Variants in IGF2BP1 observed in about 807,000 individuals in gnomAD.
IGF2BP1 encodes the protein insulin like growth factor 2 mRNA binding protein 1.
Under a neutral mutation model 74.9 loss-of-function variants are expected in IGF2BP1, and 11 were observed. That is an observed-to-expected ratio of 0.15 (90% confidence interval 0.09 to 0.24). IGF2BP1 has a LOEUF of 0.24. Among genes scored for constraint, IGF2BP1 ranks in the 10% least tolerant of loss-of-function variants. The pLI is 1.00. For missense variants in IGF2BP1, 440 were observed against 757.4 expected (o/e 0.58, Z 4.92); for synonymous variants, 287 against 281.8 (o/e 1.02, Z -0.18).
In IGF2BP1 at chr17:49,038,327, C is replaced by T; in HGVS notation, c.561C>T (p.Ala187=). Residue 187 remains alanine (A), a synonymous_variant, in exon 6 of 15, where the codon GCC becomes GCT. Transcript: ENST00000290341. ...AGGGCTCACCTGTGGCAGCGGGGGC[C>T]CCAGCCAAGCAGCAGCAAGTGGACA... ...PRQGSPVAAG[A]PAKQQQVDIP... 1 of 1,606,160 alleles carries T rather than the reference C, an allele frequency of 6.2e-7. No individual in the cohort carries two copies. Among genetic ancestry groups the T allele is most frequent in the Non-Finnish European group, 8.5e-7 (1 of 1,176,578 alleles).
chr17:49,042,440 G>T, intron 9 of IGF2BP1, 63 bp downstream of exon 9: 2 of 1,591,368 alleles, frequency 1.3e-6, no homozygotes, highest in East Asian at 2.2e-5. Flanking sequence ...CAGCTTGTGG[G>T]GTGCAGGGTG....
At chr17:49,038,982 A>G (rs1004108799) in intron 6 of IGF2BP1, among the ~76,000 whole-genome samples, 2 of 150,854 alleles carry the variant, frequency 1.3e-5, no homozygotes, top group African/African-American at 2.4e-5. Flanking sequence ...GGTTCAAGCA[A>G]TTCTCCTGCC....
rs975589066 is a variant in IGF2BP1 at position 48,997,535 on chromosome 17, C to G, written c.-211C>G. 5 of 571,596 alleles carry G rather than the reference C, an allele frequency of 8.7e-6. No individual in the cohort carries two copies. Among genetic ancestry groups the G allele is most frequent in the Non-Finnish European group, 1.2e-5 (4 of 323,496 alleles). 35.4% of individuals were successfully genotyped at this position (571,596 alleles called of 1,614,324 possible). ...GTCTCCCTGCGCGCCGCGGGCACTT[C>G]TCCTGGGCTCTCCCCGAACTCTCCC... On this transcript the variant is annotated 5_prime_UTR_variant, in exon 1 of 15. Coordinates refer to ENST00000290341, the MANE Select transcript of IGF2BP1 (RefSeq NM_006546.4). The surrounding 1 kb of genome is among the most constrained non-coding windows in gnomAD (Gnocchi z 4.8).
rs796574707 is a variant in IGF2BP1 at position 49,008,188 on chromosome 17, A to AAAG, written c.236+9019_236+9020insAAG. On this transcript the variant is annotated intron_variant, in intron 2 of 14. Coordinates refer to ENST00000290341, the MANE Select transcript of IGF2BP1 (RefSeq NM_006546.4). ...ATTCCATCTCAAAAAAAAAAAAAAA[A>AAAG]GTAAATAAATTGAAGGGCAAAGATA... Among the ~76,000 whole-genome samples, 369 of 151,560 alleles carry AAAG rather than the reference A, an allele frequency of 2.4e-3. 1 individual carries two copies. The highest frequency in any genetic ancestry group is 8.6e-3 in the African/African-American group (354 of 41,116).
At chr17:49,002,363 GA>G (rs1273057083) in intron 2 of IGF2BP1, among the ~76,000 whole-genome samples, 1 of 152,024 alleles carries the variant, frequency 6.6e-6, no homozygotes, top group Non-Finnish European at 1.5e-5. Context: ...AGGCTCTGAA[GA>G]AATCACTTGG....
At chr17:49,007,989 T>C (rs2143944485) in intron 2 of IGF2BP1, among the ~76,000 whole-genome samples, 1 of 152,158 alleles carries the variant, frequency 6.6e-6, no homozygotes, top group African/African-American at 2.4e-5. Flanking sequence ...CTGACCAACA[T>C]GGTGAAACCC....
At chr17:49,011,889 G>C (rs1425210455) in intron 2 of IGF2BP1, among the ~76,000 whole-genome samples, 2 of 149,098 alleles carry the variant, frequency 1.3e-5, no homozygotes, top group African/African-American at 5.0e-5. Flanking sequence ...TATCTTGAGT[G>C]GTTGAAGAAA....
chr17:49,025,437 A>G (rs1298781886), intron 2 of IGF2BP1, among the ~76,000 whole-genome samples, 181 bp from the exon 3 acceptor site: 2 of 151,530 alleles, frequency 1.3e-5, no homozygotes, highest in Admixed American at 6.6e-5. Context: ...TTTGGTCTCT[A>G]AAGCGGGTAC....
intron 9 of IGF2BP1, 59 bp downstream of exon 9, chr17:49,042,436 G>A: frequency 3.7e-6 from 6 of 1,600,568 alleles, no homozygotes; most frequent in Admixed American, 1.7e-5. Flanking sequence ...ACAGCAGCTT[G>A]TGGGGTGCAG....
intron 5 of IGF2BP1, chr17:49,037,231 C>T (rs2042000497): frequency 2.2e-6 from 1 of 453,260 alleles, no homozygotes; most frequent in Admixed American, 3.1e-5. Context: ...CAAGATTTTA[C>T]CAAATGTTGC....
intron 14 of IGF2BP1, among the ~76,000 whole-genome samples, chr17:49,047,540 G>T (rs11871214): frequency 0.54 from 82,251 of 151,292 alleles, 23,264 homozygotes; most frequent in African/African-American, 0.69. Context: ...AGAGAGTAAA[G>T]GATACCTCCA....
chr17:49,041,542 C>A (rs1396945238), intron 8 of IGF2BP1, 42 bp downstream of exon 8: 1 of 1,611,948 alleles, frequency 6.2e-7, no homozygotes, highest in Admixed American at 1.7e-5. Context: ...GTGGGGGATG[C>A]ATGGGGGCCA....
intron 5 of IGF2BP1, among the ~76,000 whole-genome samples, chr17:49,034,292 A>AT: frequency 6.6e-6 from 1 of 151,278 alleles, no homozygotes; most frequent in Middle Eastern, 3.4e-3. Flanking sequence ...AATTTTTTGT[A>AT]TTTTTTAGTA....
intron 4 of IGF2BP1, among the ~76,000 whole-genome samples, chr17:49,027,371 T>G (rs1422987975): frequency 6.6e-6 from 1 of 152,224 alleles, no homozygotes; most frequent in Non-Finnish European, 1.5e-5. Flanking sequence ...TCGTGTTTCT[T>G]GCTTTTGGCT....
In IGF2BP1 at chr17:49,054,085, T is replaced by G. The variant is rs537863051; in HGVS notation, c.*4641T>G. 2.0e-5 allele frequency: 3 copies of G among 152,674 alleles called. No homozygotes were observed. The highest frequency in any genetic ancestry group is 7.2e-5 in the African/African-American group (3 of 41,450). 9.5% of individuals were successfully genotyped at this position (152,674 alleles called of 1,614,324 possible). ...CACCAGCTGAAAACTGCAGTTTCTT[T>G]CCTTTGGATACATAAGGCTTCTCTA... On this transcript the variant is annotated 3_prime_UTR_variant, in exon 15 of 15. Coordinates refer to ENST00000290341, the MANE Select transcript of IGF2BP1 (RefSeq NM_006546.4).
chr17:49,021,994 G>A (rs191098403), intron 2 of IGF2BP1, among the ~76,000 whole-genome samples: 9 of 152,176 alleles, frequency 5.9e-5, no homozygotes, highest in African/African-American at 1.9e-4. Context: ...AGCCCTACCC[G>A]CCTGCCTCTT....
At position 49,049,525 on chromosome 17, in the gene IGF2BP1, T is replaced by C; in HGVS notation, c.*81T>C. 1 of 1,218,280 alleles carries C rather than the reference T, an allele frequency of 8.2e-7. No homozygotes were observed. The highest frequency in any genetic ancestry group is 1.2e-6 in the Non-Finnish European group (1 of 841,278). 75.5% of individuals were successfully genotyped at this position (1,218,280 alleles called of 1,614,324 possible). A position where few individuals can be genotyped will look rare whatever the true frequency, so the allele number is the denominator to read the frequency against. On this transcript the variant is annotated 3_prime_UTR_variant, in exon 15 of 15. Transcript: ENST00000290341. Reference sequence around the variant, plus strand: ...GTGCTCTCCCCGGCAGGCCTGAGAATGAGTGGGAATCCGGGACACCTGGGC... The same window carrying C: ...GTGCTCTCCCCGGCAGGCCTGAGAACGAGTGGGAATCCGGGACACCTGGGC...
intron 12 of IGF2BP1, among the ~76,000 whole-genome samples, 193 bp downstream of exon 12, chr17:49,045,258 C>T (rs2042097385): frequency 2.0e-5 from 3 of 152,118 alleles, no homozygotes; most frequent in South Asian, 2.1e-4. Context: ...CTGTTGACTT[C>T]GTCTTCCCTT....
At chr17:49,041,548 G>A (rs1409614238) in intron 8 of IGF2BP1, 48 bp downstream of exon 8, 6 of 1,610,194 alleles carry the variant, frequency 3.7e-6, no homozygotes, top group Admixed American at 1.7e-5. Context: ...GATGCATGGG[G>A]GCCAGGGTCA....
Sources: allele counts gnomAD v4.1 joint callset (sites outside exome capture counted in the v4.1 genomes callset), GRCh38; gene constraint gnomAD v4.1.1; non-coding constraint Gnocchi (gnomAD v3.1); transcripts MANE v1.5; gene names NCBI Gene and HGNC (gene_info 2026-07-23, HGNC 2026-07-21).